POR: variants seen among roughly 807,000 people sequenced by gnomAD.
POR encodes the protein cytochrome p450 oxidoreductase.
Under a neutral mutation model 84.0 loss-of-function variants are expected in POR, and 56 were observed. That is an observed-to-expected ratio of 0.67 (90% confidence interval 0.54 to 0.83). POR has a LOEUF of 0.83. POR is among the 40% of genes least tolerant of loss of function. POR has a pLI of 0.00. For synonymous variants in POR, 414 were observed against 400.5 expected (o/e 1.03, Z -0.40); for missense variants, 938 against 944.3 (o/e 0.99, Z 0.09).
chr7:75,980,955 C>G, intron 5 of POR, 93 bp from the exon 6 acceptor site: 1 of 1,413,330 alleles, frequency 7.1e-7, no homozygotes, highest in Non-Finnish European at 9.4e-7. Flanking sequence ...AGCAGCTCAG[C>G]CAGTGCTGTG....
intron 14 of POR, 38 bp downstream of exon 14, chr7:75,986,106 C>G (rs569760907): frequency 2.5e-6 from 4 of 1,577,434 alleles, no homozygotes; most frequent in Non-Finnish European, 2.6e-6. Context: ...GGGCATGAGG[C>G]TGGCAGGGCC....
At chr7:75,935,620 TGTGTGTGTGTGTGTGTGTG>T (rs1188500637) in intron 1 of POR, among the ~76,000 whole-genome samples, 195 of 6,464 alleles carry the variant, frequency 0.03, no homozygotes, top group African/African-American at 0.18. Flanking sequence ...GCTCGGGGCT[TGTGTGTGTGTGTGTGTGTG>T]TGTGTGTGTG....
intron 1 of POR, chr7:75,946,870 C>T (rs1554552188): frequency 6.6e-6 from 1 of 152,210 alleles, no homozygotes; most frequent in African/African-American, 2.4e-5. Flanking sequence ...ACTGCCTGAC[C>T]CGGAAGAGAG....
Position 75,985,088 on chromosome 7 carries a change from C to G in POR, c.1279C>G (p.Arg427Gly). 2 of 1,599,806 alleles carry G rather than the reference C, an allele frequency of 1.3e-6. No homozygotes were observed. The highest frequency in any genetic ancestry group is 1.7e-6 in the Non-Finnish European group (2 of 1,179,328). The change falls in exon 12 of 16, where the codon CGG (arginine) becomes GGG (glycine). Residue 427 changes from arginine (R) to glycine (G), a missense_variant. By Grantham distance (125) the Arg-to-Gly change is moderately radical. Coordinates refer to ENST00000461988, the MANE Select transcript of POR (RefSeq NM_000941.3). ...GTACCTGAGCTGGGTGGTGGAGGCC[C>G]GGAGGCACATCCTGGCCATCCTGCA... is the stretch of plus-strand genomic sequence containing the variant.
intron 3 of POR, among the ~76,000 whole-genome samples, chr7:75,974,816 C>A (rs571476793): frequency 6.6e-6 from 1 of 152,062 alleles, no homozygotes; most frequent in African/African-American, 2.4e-5. Context: ...CCTGAACCAC[C>A]GCACCCAGCC....
chr7:75,961,103 C>T (rs563290437), intron 2 of POR, among the ~76,000 whole-genome samples: 32 of 151,648 alleles, frequency 2.1e-4, no homozygotes, highest in African/African-American at 5.8e-4. Flanking sequence ...CATGGTGGTG[C>T]GTGCCTGTAA....
chr7:75,950,124 C>T (rs1190690318), intron 1 of POR, among the ~76,000 whole-genome samples: 1 of 152,116 alleles, frequency 6.6e-6, no homozygotes, highest in Non-Finnish European at 1.5e-5. Context: ...CCCGCCTTGG[C>T]CTCCCAAAGT....
In POR at chr7:75,986,322, C is replaced by G; in HGVS notation, c.1899-15C>G. 6.2e-7 allele frequency: 1 copy of G among 1,612,462 alleles called. No individual in the cohort carries two copies. The highest frequency in any genetic ancestry group is 8.5e-7 in the Non-Finnish European group (1 of 1,179,792). Reference sequence around the variant, plus strand: ...ACAGTTGGCCCAGCCCCCAGCACCCCCTCTTCCTGCCCAGGGATGCACGGA... The same window carrying G: ...ACAGTTGGCCCAGCCCCCAGCACCCGCTCTTCCTGCCCAGGGATGCACGGA... On this transcript the variant is annotated splice_polypyrimidine_tract_variant and intron_variant, in intron 15 of 15. Coordinates refer to ENST00000461988, the MANE Select transcript of POR (RefSeq NM_000941.3).
chr7:75,966,091 C>T (rs763359716), intron 2 of POR, among the ~76,000 whole-genome samples: 50 of 152,282 alleles, frequency 3.3e-4, no homozygotes, highest in South Asian at 1.2e-3. Flanking sequence ...GAAACCCTTG[C>T]GCACTGCACA....
rs535637875 is a variant in POR, at chr7:75,986,659, C to T, written c.*178C>T. On this transcript the variant is annotated 3_prime_UTR_variant, in exon 16 of 16. Transcript: ENST00000461988. ...AGCCCCCAGGCCAGGTGAGGTCCAC[C>T]GGCCCCTGGCAGCACAGCCCAGGGC... 73 of 769,858 alleles carry T rather than the reference C, an allele frequency of 9.5e-5. No individual in the cohort carries two copies. Among genetic ancestry groups the T allele is most frequent in the African/African-American group, 4.7e-4 (27 of 57,142 alleles). The allele number at this position is 769,858 out of a possible 1,614,324, so 47.7% of individuals were successfully genotyped here.
chr7:75,920,787 A>G (rs1354656876), intron 1 of POR, among the ~76,000 whole-genome samples: 4 of 152,050 alleles, frequency 2.6e-5, no homozygotes, highest in African/African-American at 9.7e-5. Flanking sequence ...TTCTGAACTC[A>G]TATGTAGTGA....
At chr7:75,965,439 C>T (rs1322397392) in intron 2 of POR, among the ~76,000 whole-genome samples, 4 of 152,192 alleles carry the variant, frequency 2.6e-5, no homozygotes, top group African/African-American at 7.2e-5. Context: ...GGATTCCAGC[C>T]TGGGGCTTCC....
intron 2 of POR, among the ~76,000 whole-genome samples, chr7:75,964,323 T>C (rs1554554901): frequency 6.6e-6 from 1 of 152,098 alleles, no homozygotes; most frequent in Non-Finnish European, 1.5e-5. Context: ...TTTTTTCTTT[T>C]TGAGACTAAG....
chr7:75,982,294 C>A lies in POR; in HGVS notation c.802C>A (p.Arg268=), dbSNP rs200471958. 2 of 1,612,390 alleles carry A rather than the reference C, an allele frequency of 1.2e-6. No homozygotes were observed. Among genetic ancestry groups the A allele is most frequent in the East Asian group, 4.5e-5 (2 of 44,834 alleles). Reference sequence around the variant, plus strand: ...CAAGGTGTACATGGGGGAGATGGGCCGGCTGAAGAGCTACGAGAACCAGAA... The same window carrying A: ...CAAGGTGTACATGGGGGAGATGGGCAGGCTGAAGAGCTACGAGAACCAGAA... The change falls in exon 8 of 16, where the codon CGG becomes AGG. Residue 268 remains arginine (R), a synonymous_variant. Transcript: ENST00000461988.
At chr7:75,974,431 G>C (rs1046103481) in intron 3 of POR, among the ~76,000 whole-genome samples, 1 of 150,712 alleles carries the variant, frequency 6.6e-6, no homozygotes, top group Non-Finnish European at 1.5e-5. Context: ...AAAAAACTCA[G>C]TATAGTTGTA....
At chr7:75,926,068 T>C (rs1174178751) in intron 1 of POR, among the ~76,000 whole-genome samples, 1 of 146,048 alleles carries the variant, frequency 6.8e-6, no homozygotes, top group African/African-American at 2.5e-5. Flanking sequence ...GGACACTTGC[T>C]CTGTCACCCA....
At chr7:75,953,285 G>A (rs1279560999) in intron 1 of POR, among the ~76,000 whole-genome samples, 1 of 146,132 alleles carries the variant, frequency 6.8e-6, no homozygotes, top group Non-Finnish European at 1.5e-5. Flanking sequence ...TCCAGCTTCG[G>A]CTGGGCATCA....
At position 75,986,142 on chromosome 7, in the gene POR, A is replaced by G. The variant is rs1554559367; in HGVS notation, c.1816-17A>G. The G allele has an allele frequency of 1.2e-6, 2 of 1,603,306 alleles. No homozygotes were observed. The highest frequency in any genetic ancestry group is 1.7e-6 in the Non-Finnish European group (2 of 1,175,270). The stretch of plus-strand genomic sequence containing the variant: ...ACAGCCACAGTGCCCCCCTCACAGC[A>G]CCACCCTTGGCCCCAGGTCTACGTC... On this transcript the variant is annotated splice_polypyrimidine_tract_variant and intron_variant, in intron 14 of 15. Transcript: ENST00000461988.
chr7:75,938,605 A>T (rs577403307), intron 1 of POR, among the ~76,000 whole-genome samples: 6 of 152,230 alleles, frequency 3.9e-5, no homozygotes, highest in Admixed American at 6.5e-5. Flanking sequence ...AAAAAAATTT[A>T]AAAAATCAGC....
Sources: allele counts gnomAD v4.1 joint callset (sites outside exome capture counted in the v4.1 genomes callset), GRCh38; gene constraint gnomAD v4.1.1; transcripts MANE v1.5; gene names NCBI Gene and HGNC (gene_info 2026-07-23, HGNC 2026-07-21).